The following SYT3 variants were observed in gnomAD, a reference collection of about 807,000 sequenced individuals.
SYT3 encodes synaptotagmin 3, also known as synaptotagmin-3.
SYT3 carries 25 observed loss-of-function variants against 50.6 expected under a neutral mutation model. That is an observed-to-expected ratio of 0.49 (90% CI 0.36 to 0.69). The LOEUF is 0.69. SYT3 is among the 30% of genes least tolerant of loss of function. The pLI, the probability that SYT3 is intolerant of heterozygous loss-of-function variation, is 0.00. For synonymous variants in SYT3, 323 were observed against 353.9 expected (o/e 0.91, Z 0.98); for missense variants, 589 against 793.6 (o/e 0.74, Z 3.10).
chr19:50,655,803 G>A, the SYT3 span, among the ~76,000 whole-genome samples: 2 of 152,190 alleles, frequency 1.3e-5, no homozygotes, highest in African/African-American at 4.8e-5. Flanking sequence ...TCCCACTGGC[G>A]CCCCTGTTAG....
At chr19:50,628,782 G>A (rs896060618) in intron 6 of SYT3, among the ~76,000 whole-genome samples, 3 of 151,730 alleles carry the variant, frequency 2.0e-5, no homozygotes, top group African/African-American at 4.8e-5. Context: ...AACATTTGGC[G>A]ATGTTGAGGA....
chr19:50,629,226 A>T, intron 6 of SYT3, 68 bp downstream of exon 6: 1 of 1,286,166 alleles, frequency 7.8e-7, no homozygotes, highest in South Asian at 1.4e-5. Flanking sequence ...CTCTGAGGGC[A>T]GGGGGCTTGC....
chr19:50,649,501 C>A, the SYT3 span: 1 of 1,536,210 alleles, frequency 6.5e-7, no homozygotes, highest in Non-Finnish European at 8.7e-7. Flanking sequence ...CCACCATGCA[C>A]AGGAAGGCAG....
In SYT3 at chr19:50,639,353, C is replaced by T. The variant is rs1984595565; in HGVS notation, c.-153-191G>A. On this transcript the variant is annotated intron_variant, in intron 1 of 10. Coordinates refer to ENST00000600079, the MANE Select transcript of SYT3 (RefSeq NM_001160329.2). This position sits in a 1 kb window ranked among gnomAD's most constrained non-coding sequence, Gnocchi z 4.6. ...TCGCGCTGCTGCGGCTTCATAGACC[C>T]GGCGCTGCAGGATCTGCTGGGAGTT... 1 of 152,166 alleles carries T rather than the reference C, an allele frequency of 6.6e-6. No homozygotes were observed. 9.4% of individuals were successfully genotyped at this position (152,166 alleles called of 1,614,324 possible).
At chr19:50,626,504 G>GC (rs201156877) in intron 6 of SYT3, among the ~76,000 whole-genome samples, 2,360 of 23,436 alleles carry the variant, frequency 0.1, 79 homozygotes, top group African/African-American at 0.21. Flanking sequence ...CAGAGAGAGA[G>GC]GGGGGGGGAC....
chr19:50,649,546 T>G, the SYT3 span: 2 of 1,534,198 alleles, frequency 1.3e-6, no homozygotes, highest in Non-Finnish European at 8.7e-7. Context: ...AGGGGTGGAC[T>G]TCCTCCATCC....
Position 50,629,324 on chromosome 19 carries a change from C to T in SYT3, c.1251G>A (p.Pro417=), listed in dbSNP as rs746521475. The stretch of plus-strand genomic sequence containing the variant: ...CGCCCTCCACGATGTCCCTCCAGAG[C>T]GGGCGGTCAGGGGGCTGCTCGGCCA... ...LELAEQPPDR[P]LWRDIVEGGS... is the part of the protein sequence containing the mutation. The change falls in exon 6 of 11, where the codon CCG becomes CCA. Residue 417 remains proline (P), a synonymous_variant. Coordinates refer to ENST00000600079, the MANE Select transcript of SYT3 (RefSeq NM_001160329.2). 25 of 1,611,300 alleles carry T rather than the reference C, an allele frequency of 1.6e-5. No individual in the cohort carries two copies. Among genetic ancestry groups the T allele is most frequent in the East Asian group, 2.2e-5 (1 of 44,838 alleles).
intron 3 of SYT3, among the ~76,000 whole-genome samples, chr19:50,633,830 T>C (rs1162379995): frequency 3.3e-5 from 5 of 152,148 alleles, no homozygotes; most frequent in Non-Finnish European, 7.4e-5. Context: ...AAAACTGAGG[T>C]CTGTATACCC....
chr19:50,625,756 GCCC>G lies in SYT3; in HGVS notation c.1402+138_1402+140del. ...TCCGACCCAGGAGTCCAGGCCCCTG[GCCC>G]CTCCTCCCTCAGACCCAGGAGTCCA... On this transcript the variant is annotated intron_variant, in intron 7 of 10. Coordinates refer to ENST00000600079, the MANE Select transcript of SYT3 (RefSeq NM_001160329.2). This position sits in a 1 kb window ranked among gnomAD's most constrained non-coding sequence, Gnocchi z 7.5. 7 of 921,914 alleles carry G rather than the reference GCCC, an allele frequency of 7.6e-6. No individual in the cohort carries two copies. The highest frequency in any genetic ancestry group is 3.3e-5 in the South Asian group (2 of 61,024). The allele number at this position is 921,914 out of a possible 1,614,324, so 57.1% of individuals were successfully genotyped here.
Position 50,637,379 on chromosome 19 carries a change from C to T in SYT3, c.33G>A (p.Arg11=). The change falls in exon 3 of 11, where the codon CGG becomes CGA. Residue 11 remains arginine (R), a synonymous_variant. Coordinates refer to ENST00000600079, the MANE Select transcript of SYT3 (RefSeq NM_001160329.2). The surrounding 1 kb of genome is among the most constrained non-coding windows in gnomAD (Gnocchi z 4.9). Reference sequence around the variant, plus strand: ...GGTCCGAGACCAGGATGAGTGCCCGCCGGCAGAGGTCATCCTCGTAGTCTC... The same window carrying T: ...GGTCCGAGACCAGGATGAGTGCCCGTCGGCAGAGGTCATCCTCGTAGTCTC... MSGDYEDDLC[R]RALILVSDLC... is the part of the protein sequence containing the mutation. 1.9e-6 allele frequency: 3 copies of T among 1,608,934 alleles called. No homozygotes were observed. Among genetic ancestry groups the T allele is most frequent in the Non-Finnish European group, 2.5e-6 (3 of 1,177,644 alleles).
the SYT3 span, among the ~76,000 whole-genome samples, chr19:50,652,296 G>A: frequency 1.3e-5 from 2 of 152,120 alleles, no homozygotes; most frequent in African/African-American, 2.4e-5. Context: ...TAAATACTAA[G>A]GACAACTATA....
chr19:50,626,510 G>GC (rs1984072995), intron 6 of SYT3, among the ~76,000 whole-genome samples: 1 of 143,638 alleles, frequency 7.0e-6, no homozygotes, highest in African/African-American at 2.6e-5. Flanking sequence ...GAGAGGGGGG[G>GC]GGACAGAGAC....
At chr19:50,652,806 G>A in the SYT3 span, among the ~76,000 whole-genome samples, 2 of 152,148 alleles carry the variant, frequency 1.3e-5, no homozygotes, top group East Asian at 1.9e-4. Flanking sequence ...ACTGGAGAGC[G>A]AGAGGAGTTA....
upstream of SYT3, among the ~76,000 whole-genome samples, chr19:50,644,751 G>A (rs1312788985): frequency 6.6e-6 from 1 of 152,020 alleles, no homozygotes; most frequent in African/African-American, 2.4e-5. Flanking sequence ...ATGAGTGGAG[G>A]GTTGGGTGGA....
At chr19:50,654,092 T>C in the SYT3 span, among the ~76,000 whole-genome samples, 1 of 152,044 alleles carries the variant, frequency 6.6e-6, no homozygotes, top group South Asian at 2.1e-4. Flanking sequence ...TTGCTTGATG[T>C]TGGTGTTACG....
the SYT3 span, among the ~76,000 whole-genome samples, chr19:50,653,861 A>C: frequency 6.6e-6 from 1 of 152,028 alleles, no homozygotes; most frequent in South Asian, 2.1e-4. Flanking sequence ...GATGGAAAGC[A>C]CAGGCAAGCC....
At chr19:50,638,223 G>T (rs1055614191) in intron 2 of SYT3, among the ~76,000 whole-genome samples, 1 of 152,080 alleles carries the variant, frequency 6.6e-6, no homozygotes, top group Admixed American at 6.5e-5. Context: ...GGGCAGTGGC[G>T]CCAGGATGGG....
chr19:50,655,964 T>C, the SYT3 span: 4 of 1,300,188 alleles, frequency 3.1e-6, no homozygotes, highest in Non-Finnish European at 4.3e-6. Flanking sequence ...GGGTGTGGCA[T>C]GGGCAAGCAA....
chr19:50,645,060 T>C, the SYT3 span, among the ~76,000 whole-genome samples: 3 of 152,196 alleles, frequency 2.0e-5, no homozygotes, highest in Non-Finnish European at 4.4e-5. Context: ...TGTGTGTAAA[T>C]ACAGATTCAC....
Sources: gnomAD v4.1 joint callset for allele counts (sites outside exome capture counted in the v4.1 genomes callset) on GRCh38, gnomAD v4.1.1 for gene constraint, Gnocchi (gnomAD v3.1) non-coding constraint, MANE v1.5 for transcripts, NCBI Gene and HGNC (gene_info 2026-07-23, HGNC 2026-07-21) for gene names.